The following CTTNBP2 variants were observed in gnomAD, a reference collection of about 807,000 sequenced individuals.
CTTNBP2 encodes cortactin-binding protein 2.
Under a neutral mutation model 156.9 loss-of-function variants are expected in CTTNBP2, and 108 were observed. The observed-to-expected ratio is 0.69, with a 90% CI of 0.59 to 0.81. CTTNBP2 has a LOEUF of 0.81. Ranked by LOEUF, CTTNBP2 falls within the 30% of genes least tolerant of loss-of-function variation. The pLI is 0.00. For synonymous variants in CTTNBP2, 767 were observed against 751.8 expected, an observed-to-expected ratio of 1.02 and a Z score of -0.33; for missense variants, 1,924 against 2,035.4, an observed-to-expected ratio of 0.95 and a Z score of 1.05.
At chr7:117,717,894 C>A in intron 22 of CTTNBP2, 124 bp downstream of exon 22, 1 of 640,178 alleles carries the variant, frequency 1.6e-6, no homozygotes, top group Admixed American at 2.7e-5. Context: ...TACCTTTATC[C>A]TATTTCTCAG....
chr7:117,818,715 G>C (rs919659809), intron 2 of CTTNBP2, among the ~76,000 whole-genome samples: 5 of 152,192 alleles, frequency 3.3e-5, no homozygotes, highest in African/African-American at 1.2e-4. Flanking sequence ...GACTGAAGAG[G>C]AAGAGCAGAA....
At chr7:117,831,187 G>A (rs1162663529) in intron 2 of CTTNBP2, among the ~76,000 whole-genome samples, 1 of 152,146 alleles carries the variant, frequency 6.6e-6, no homozygotes, top group East Asian at 1.9e-4. Context: ...ATAAGCAAAA[G>A]AATCAGAGCT....
chr7:117,750,659 AC>A (rs903191887), intron 12 of CTTNBP2, among the ~76,000 whole-genome samples: 2 of 152,126 alleles, frequency 1.3e-5, no homozygotes, highest in Non-Finnish European at 1.5e-5. Context: ...ATTACTGGGA[AC>A]CTGTTACTCT....
intron 2 of CTTNBP2, among the ~76,000 whole-genome samples, chr7:117,840,047 A>G (rs557303202): frequency 5.3e-5 from 8 of 152,324 alleles, no homozygotes; most frequent in African/African-American, 1.9e-4. Context: ...GCATGCACAA[A>G]TATATACATA....
At chr7:117,866,665 C>T (rs902463121) in intron 1 of CTTNBP2, among the ~76,000 whole-genome samples, 1 of 152,122 alleles carries the variant, frequency 6.6e-6, no homozygotes, top group Admixed American at 6.5e-5. Context: ...GGTTTTCCAT[C>T]AGTAAAAATA....
chr7:117,867,811 C>T (rs779466216), intron 1 of CTTNBP2, among the ~76,000 whole-genome samples: 1 of 152,154 alleles, frequency 6.6e-6, no homozygotes, highest in Non-Finnish European at 1.5e-5. Context: ...GTCAGCTCTC[C>T]AAGGTCATGC....
intron 22 of CTTNBP2, among the ~76,000 whole-genome samples, chr7:117,713,041 T>C (rs1350755451): frequency 6.6e-6 from 1 of 152,156 alleles, no homozygotes; most frequent in Non-Finnish European, 1.5e-5. Context: ...ATTCTCATAG[T>C]AGTACAAACC....
At position 117,731,362 on chromosome 7, in the gene CTTNBP2, G is replaced by C. The variant is rs559665432; in HGVS notation, c.3877-3095C>G. ...TGTACAACTCTAACACACTGAACAC[G>C]TTTTTTTAAAATAGCACTTGAATAA... On this transcript the variant is annotated intron_variant, in intron 16 of 22. Coordinates refer to ENST00000160373, the MANE Select transcript of CTTNBP2 (RefSeq NM_033427.3). 1.2e-3 allele frequency among the ~76,000 whole-genome samples: 179 copies of C among 152,204 alleles called. 5 individuals carry two copies. The South Asian group carries it at 0.035, about 30-fold the overall frequency.
intron 12 of CTTNBP2, among the ~76,000 whole-genome samples, chr7:117,749,693 G>T (rs1448099113): frequency 6.6e-6 from 1 of 152,056 alleles, no homozygotes; most frequent in Non-Finnish European, 1.5e-5. Flanking sequence ...TTTCTAAGTG[G>T]TATAAATCTT....
intron 2 of CTTNBP2, among the ~76,000 whole-genome samples, chr7:117,827,374 C>A (rs985152438): frequency 2.0e-5 from 3 of 152,148 alleles, no homozygotes; most frequent in Non-Finnish European, 4.4e-5. Context: ...GAGTTTCCCC[C>A]ACTTGTATGT....
At chr7:117,804,912 T>C (rs1256634533) in intron 3 of CTTNBP2, among the ~76,000 whole-genome samples, 1 of 152,214 alleles carries the variant, frequency 6.6e-6, no homozygotes, top group East Asian at 1.9e-4. Context: ...ACATGTGCCC[T>C]GGAACTTAAA....
chr7:117,836,221 A>G (rs1328126854), intron 2 of CTTNBP2, among the ~76,000 whole-genome samples: 1 of 152,166 alleles, frequency 6.6e-6, no homozygotes, highest in Non-Finnish European at 1.5e-5. Flanking sequence ...AACTGTTGCT[A>G]CTTTCTTAGC....
chr7:117,733,319 A>G (rs1795506203), intron 16 of CTTNBP2, among the ~76,000 whole-genome samples: 1 of 152,084 alleles, frequency 6.6e-6, no homozygotes. Flanking sequence ...TCCCACTCTC[A>G]AACGCAATGG....
In CTTNBP2 at chr7:117,824,656, G is replaced by A. The variant is rs544006182; in HGVS notation, c.190-13667C>T. The stretch of plus-strand genomic sequence containing the variant: ...GGACTTGCCCACAGCTGCATGGCTA[G>A]AAATTTGGAGCCTGGACTCACTCCC... On this transcript the variant is annotated intron_variant, in intron 2 of 22. Transcript: ENST00000160373. 6.8e-4 allele frequency among the ~76,000 whole-genome samples: 103 copies of A among 152,222 alleles called. 1 individual carries two copies. The highest frequency in any genetic ancestry group is 7.5e-4 in the Non-Finnish European group (51 of 68,034).
chr7:117,746,249 AC>A, intron 12 of CTTNBP2, 150 bp from the exon 13 acceptor site: 2 of 616,500 alleles, frequency 3.2e-6, no homozygotes, highest in Non-Finnish European at 2.9e-6. Flanking sequence ...ATCATTGGAC[AC>A]CTGTACTCTC....
At chr7:117,790,990 G>A (rs1268225818) in intron 4 of CTTNBP2, 138 bp downstream of exon 4, 1 of 701,146 alleles carries the variant, frequency 1.4e-6, no homozygotes, top group Non-Finnish European at 2.3e-6. Context: ...CAAAAAAAGA[G>A]AGAGAAAGAA....
At chr7:117,802,902 T>C (rs1160121288) in intron 3 of CTTNBP2, among the ~76,000 whole-genome samples, 1 of 152,178 alleles carries the variant, frequency 6.6e-6, no homozygotes. Context: ...GAAGAGGCTG[T>C]GGAGAAAAGA....
intron 21 of CTTNBP2, among the ~76,000 whole-genome samples, chr7:117,718,518 G>A (rs746065700): frequency 6.6e-6 from 1 of 152,108 alleles, no homozygotes; most frequent in Admixed American, 6.5e-5. Context: ...ATATTATGAC[G>A]ATTCAAATAA....
At chr7:117,793,306 G>A (rs1437265508) in intron 3 of CTTNBP2, 2 of 152,126 alleles carry the variant, frequency 1.3e-5, no homozygotes, top group African/African-American at 2.4e-5. Flanking sequence ...AGTTGTTGTG[G>A]AAATCATATA....
Sources: gnomAD v4.1 joint callset for allele counts (sites outside exome capture counted in the v4.1 genomes callset) on GRCh38, gnomAD v4.1.1 for gene constraint, MANE v1.5 for transcripts, NCBI Gene and HGNC (gene_info 2026-07-23, HGNC 2026-07-21) for gene names.